Variants in TUSC3 observed in about 807,000 individuals in gnomAD.
TUSC3 encodes the protein dolichyl-diphosphooligosaccharide--protein glycosyltransferase subunit TUSC3.
TUSC3 carries 45 observed loss-of-function variants against 44.8 expected under a neutral mutation model. The observed-to-expected ratio is 1.00, with a 90% CI of 0.79 to 1.29. The LOEUF is 1.29. Ranked by LOEUF, TUSC3 falls within the 50% of genes most tolerant of loss-of-function variation. TUSC3 has a pLI of 0.00. For missense variants in TUSC3, 519 were observed against 437.9 expected (o/e 1.19, Z -1.65); for synonymous variants, 212 against 152.9 (o/e 1.39, Z -2.85).
intron 2 of TUSC3, among the ~76,000 whole-genome samples, chr8:15,534,471 G>T (rs1471657042): frequency 6.6e-6 from 1 of 151,794 alleles, no homozygotes; most frequent in African/African-American, 2.4e-5. Flanking sequence ...GTGAAACCCC[G>T]TCTGTACTAA....
rs563554256 is a variant in TUSC3, at chr8:15,689,533, G to A, written c.798+15697G>A. 1.0e-3 allele frequency: 169 copies of A among 168,904 alleles called. 1 individual carries two copies. The highest frequency in any genetic ancestry group is 3.9e-3 in the African/African-American group (165 of 41,788). 10.5% of individuals were successfully genotyped at this position (168,904 alleles called of 1,614,324 possible). ...ACAGGATCCCCAGGGGTGCCAGCAG[G>A]GACACCGAAGGGATGTTGCTCAGCC... On this transcript the variant is annotated intron_variant, in intron 6 of 10. Coordinates refer to ENST00000503731, the MANE Select transcript of TUSC3 (RefSeq NM_006765.4).
At chr8:15,443,789 A>G (rs1242468374) in intron 1 of TUSC3, among the ~76,000 whole-genome samples, 1 of 152,130 alleles carries the variant, frequency 6.6e-6, no homozygotes, top group Non-Finnish European at 1.5e-5. Flanking sequence ...AAGCTGCTCC[A>G]GGATTAGTGC....
intron 2 of TUSC3, among the ~76,000 whole-genome samples, chr8:15,485,972 T>G (rs553920373): frequency 6.6e-6 from 1 of 152,148 alleles, no homozygotes; most frequent in South Asian, 2.1e-4. Context: ...TTTTGTATAT[T>G]TAGTAGAGTC....
intron 9 of TUSC3, among the ~76,000 whole-genome samples, chr8:15,757,148 G>T (rs538067872): frequency 1.3e-5 from 2 of 152,036 alleles, no homozygotes; most frequent in Non-Finnish European, 2.9e-5. Flanking sequence ...AAAAAAACTC[G>T]TTCTTAAAAA....
chr8:15,496,073 T>C (rs185199553), intron 2 of TUSC3, among the ~76,000 whole-genome samples: 1 of 152,192 alleles, frequency 6.6e-6, no homozygotes, highest in African/African-American at 2.4e-5. Flanking sequence ...TCTAATAGAC[T>C]CAACTTTGTC....
At chr8:15,521,232 G>C (rs771815114) in intron 2 of TUSC3, among the ~76,000 whole-genome samples, 3 of 152,098 alleles carry the variant, frequency 2.0e-5, no homozygotes, top group Non-Finnish European at 4.4e-5. Context: ...ATAGCCTCTG[G>C]GATGCTTGAG....
chr8:15,710,882 A>G (rs1809815176), intron 6 of TUSC3, among the ~76,000 whole-genome samples: 1 of 147,794 alleles, frequency 6.8e-6, no homozygotes, highest in Non-Finnish European at 1.5e-5. Context: ...TATATATAAT[A>G]TAAAATATAT....
chr8:15,722,891 C>T (rs1354187947), intron 6 of TUSC3, among the ~76,000 whole-genome samples: 1 of 152,012 alleles, frequency 6.6e-6, no homozygotes, highest in Non-Finnish European at 1.5e-5. Flanking sequence ...TTTCTGAAAG[C>T]TTTCACAATA....
chr8:15,737,628 A>G (rs1810994631), intron 7 of TUSC3, among the ~76,000 whole-genome samples: 1 of 152,208 alleles, frequency 6.6e-6, no homozygotes, highest in Non-Finnish European at 1.5e-5. Flanking sequence ...GATAAAGGGT[A>G]GAGGTCCATC....
intron 2 of TUSC3, among the ~76,000 whole-genome samples, chr8:15,507,793 A>G (rs958378973): frequency 6.6e-6 from 1 of 152,158 alleles, no homozygotes; most frequent in African/African-American, 2.4e-5. Context: ...AGGATGATGT[A>G]AGGAAAAAAC....
At chr8:15,743,453 A>G in intron 7 of TUSC3, 85 bp from the exon 8 acceptor site, 6 of 1,354,726 alleles carry the variant, frequency 4.4e-6, no homozygotes, top group African/African-American at 2.9e-5. Context: ...TAGTTTAACC[A>G]TTCTGGAACA....
chr8:15,456,248 A>T (rs929916544), intron 1 of TUSC3, among the ~76,000 whole-genome samples: 6 of 151,964 alleles, frequency 3.9e-5, no homozygotes, highest in African/African-American at 1.2e-4. Context: ...TGTGACTTAA[A>T]CCCTTTCTTT....
At position 15,576,653 on chromosome 8, in the gene TUSC3, A is replaced by G. The variant is rs1803128841; in HGVS notation, c.138+36085A>G. 2.1e-5 allele frequency among the ~76,000 whole-genome samples: 3 copies of G among 140,648 alleles called. No individual in the cohort carries two copies. The South Asian group carries it at 7.2e-4, about 34-fold the overall frequency. 92.3% of individuals were successfully genotyped at this position (140,648 alleles called of 152,430 possible). On this transcript the variant is annotated intron_variant, in intron 1 of 10. Transcript: ENST00000503731. Reference sequence around the variant, plus strand: ...AAAGGACACGAACTCATCATTTTTTATGGCTGCATAGTATTCCATGGTGTA... The same window carrying G: ...AAAGGACACGAACTCATCATTTTTTGTGGCTGCATAGTATTCCATGGTGTA...
chr8:15,452,597 G>C (rs1409901975), intron 1 of TUSC3, among the ~76,000 whole-genome samples: 4 of 152,210 alleles, frequency 2.6e-5, no homozygotes, highest in Non-Finnish European at 5.9e-5. Context: ...AGAGAAAGCA[G>C]ATAAGCTATA....
At position 15,757,842 on chromosome 8, in the gene TUSC3, C is replaced by G. The variant is rs778923931; in HGVS notation, c.*33C>G. 9 of 1,379,112 alleles carry G rather than the reference C, an allele frequency of 6.5e-6. No individual in the cohort carries two copies. The highest frequency in any genetic ancestry group is 9.3e-6 in the Non-Finnish European group (9 of 966,134). The allele number at this position is 1,379,112 out of a possible 1,614,324, so 85.4% of individuals were successfully genotyped here. ...TGATTTGGACCATGGCACTTAAAAA[C>G]TCTATAACCTCAGGCAAGTCTTTTA... On this transcript the variant is annotated 3_prime_UTR_variant, in exon 10 of 11. Coordinates refer to ENST00000503731, the MANE Select transcript of TUSC3 (RefSeq NM_006765.4).
At chr8:15,423,985 T>G (rs1378083024) in intron 1 of TUSC3, among the ~76,000 whole-genome samples, 1,867 of 123,964 alleles carry the variant, frequency 0.015, 198 homozygotes, top group African/African-American at 0.044. Flanking sequence ...TTTTTTTTTT[T>G]TTTTTTTTTT....
chr8:15,550,807 G>A (rs1025445719), intron 1 of TUSC3, among the ~76,000 whole-genome samples: 1 of 151,626 alleles, frequency 6.6e-6, no homozygotes, highest in South Asian at 2.1e-4. Context: ...GAGTAGCTGG[G>A]ATTACAAGCG....
chr8:15,564,141 A>AT (rs758777794), intron 1 of TUSC3, among the ~76,000 whole-genome samples: 1 of 151,906 alleles, frequency 6.6e-6, no homozygotes, highest in Non-Finnish European at 1.5e-5. Context: ...ATTAGTTTAG[A>AT]TTTTTTTTCT....
the TUSC3 span, among the ~76,000 whole-genome samples, chr8:15,773,544 T>C: frequency 6.6e-6 from 1 of 152,188 alleles, no homozygotes; most frequent in Non-Finnish European, 1.5e-5. Flanking sequence ...ACAAATTCAA[T>C]TTCCTATTAT....
Sources: allele counts gnomAD v4.1 joint callset (sites outside exome capture counted in the v4.1 genomes callset), GRCh38; gene constraint gnomAD v4.1.1; transcripts MANE v1.5; gene names NCBI Gene and HGNC (gene_info 2026-07-23, HGNC 2026-07-21).